BSN: variants seen among roughly 807,000 people sequenced by gnomAD.
BSN encodes protein bassoon.
BSN carries 57 observed loss-of-function variants against 264.8 expected under a neutral mutation model. The ratio of observed to expected loss-of-function variants is 0.22; its 90% CI spans 0.17 to 0.27. The LOEUF (loss-of-function observed/expected upper bound fraction) is 0.27, where lower values mean the gene tolerates loss of function less well. Ranked by LOEUF, BSN falls within the 10% of genes least tolerant of loss-of-function variation. The probability of loss-of-function intolerance (pLI) is 1.00; values close to 1 mark genes in which losing one functional copy is unlikely to be tolerated. For missense variants in BSN, 4,615 were observed against 5,232.5 expected (o/e 0.88, Z 3.64); for synonymous variants, 2,059 against 2,137.3 (o/e 0.96, Z 1.01).
In BSN at chr3:49,655,493, G is replaced by T. The variant is rs1462917883; in HGVS notation, c.5937G>T (p.Arg1979Ser). 1.9e-6 allele frequency: 3 copies of T among 1,601,064 alleles called. No homozygotes were observed. The highest frequency in any genetic ancestry group is 2.6e-6 in the Non-Finnish European group (3 of 1,172,482). ...QRPYPQGLPGRLYSSMSDTNL... is the reference protein window; with the variant it reads ...QRPYPQGLPGSLYSSMSDTNL... ...CCTACCCACAAGGCCTGCCTGGTAG[G>T]CTGTACTCCTCCATGTCTGACACCA... The change falls in exon 5 of 12, where the codon AGG (arginine) becomes AGT (serine). Residue 1979 changes from arginine to serine, a missense_variant. Physicochemically the swap from Arg to Ser is moderately radical, Grantham distance 110. This residue lies in a region of BSN where 3,415 missense variants were observed against 3,866.4 expected (regional missense o/e 0.88). Coordinates refer to ENST00000296452, the MANE Select transcript of BSN (RefSeq NM_003458.4).
chr3:49,669,861 G>A lies in BSN; in HGVS notation c.*2376G>A, dbSNP rs1241589041. ...TCACCCCCTTCTCCAAAGCCCAAGC[G>A]TCCCGCTGCTCATCAGCTTTTTTAC... On this transcript the variant is annotated 3_prime_UTR_variant, in exon 12 of 12. Coordinates refer to ENST00000296452, the MANE Select transcript of BSN (RefSeq NM_003458.4). The A allele has an allele frequency of 6.6e-6, 1 of 152,642 alleles. No individual in the cohort carries two copies. Among genetic ancestry groups the A allele is most frequent in the Non-Finnish European group, 1.5e-5 (1 of 68,088 alleles). The allele number at this position is 152,642 out of a possible 1,614,324, so 9.5% of individuals were successfully genotyped here. A position where few individuals can be genotyped will look rare whatever the true frequency, so the allele number is the denominator to read the frequency against.
Position 49,658,045 on chromosome 3 carries a change from C to T in BSN, c.8489C>T (p.Ala2830Val), listed in dbSNP as rs142848835. The T allele has an allele frequency of 6.2e-5, 100 of 1,613,422 alleles. No individual in the cohort carries two copies. The highest frequency in any genetic ancestry group is 8.3e-5 in the Non-Finnish European group (98 of 1,179,982). ...AHVSPQKHFT[A>V]DSALRQQTLP... ...GTGAGTCCCCAGAAGCACTTCACGG[C>T]TGACAGCGCTCTCCGCCAGCAGACG... The change falls in exon 5 of 12, where the codon GCT becomes GTT. Residue 2830 changes from alanine to valine, a missense_variant. Ala to Val is a moderately conservative substitution (Grantham distance 64). Coordinates refer to ENST00000296452, the MANE Select transcript of BSN (RefSeq NM_003458.4).
intron 2 of BSN, among the ~76,000 whole-genome samples, chr3:49,628,370 A>G (rs1438950082): frequency 1.3e-5 from 2 of 152,182 alleles, no homozygotes; most frequent in Non-Finnish European, 2.9e-5. Context: ...TTTGTGTATG[A>G]TGGCATCAGT....
Position 49,625,220 on chromosome 3 carries a change from C to A in BSN, c.470C>A (p.Ser157Tyr). 1 of 1,584,018 alleles carries A rather than the reference C, an allele frequency of 6.3e-7. No homozygotes were observed. The change falls in exon 2 of 12, where the codon TCC becomes TAC. Residue 157 changes from serine to tyrosine, a missense_variant. Physicochemically the swap from Ser to Tyr is moderately radical, Grantham distance 144. Transcript: ENST00000296452. The surrounding 1 kb of genome is among the most constrained non-coding windows in gnomAD (Gnocchi z 4.4). ...DRGSTPTSPY[S>Y]VPQIAPLPSS... ...GGCAGCACCCCCACATCACCCTACT[C>A]CGTCCCTCAGATCGCCCCCCTTCCC...
At chr3:49,574,223 C>T (rs2051823010) in intron 1 of BSN, among the ~76,000 whole-genome samples, 1 of 134,958 alleles carries the variant, frequency 7.4e-6, no homozygotes, top group Non-Finnish European at 1.6e-5. Flanking sequence ...CTGCCTCAGC[C>T]TCCCAAAGTT....
chr3:49,563,629 C>G (rs1314792521), intron 1 of BSN, among the ~76,000 whole-genome samples: 1 of 152,234 alleles, frequency 6.6e-6, no homozygotes, highest in Non-Finnish European at 1.5e-5. Context: ...CAGGCCAGAT[C>G]TCCTCCAATG....
At chr3:49,612,455 C>T (rs1336369807) in intron 1 of BSN, among the ~76,000 whole-genome samples, 1 of 152,176 alleles carries the variant, frequency 6.6e-6, no homozygotes, top group Admixed American at 6.5e-5. Flanking sequence ...TTTTCAAGTC[C>T]AGGATCAAAA....
Position 49,642,464 on chromosome 3 carries a change from G to A in BSN, c.830G>A (p.Arg277His), listed in dbSNP as rs979436660. The A allele has an allele frequency of 8.8e-6, 14 of 1,584,624 alleles. No homozygotes were observed. The highest frequency in any genetic ancestry group is 6.8e-5 in the East Asian group (3 of 44,166). The change falls in exon 3 of 12, where the codon CGC (arginine) becomes CAC (histidine). Residue 277 changes from arginine to histidine, a missense_variant. Arg to His is a conservative substitution (Grantham distance 29). Coordinates refer to ENST00000296452, the MANE Select transcript of BSN (RefSeq NM_003458.4). This position sits in a 1 kb window ranked among gnomAD's most constrained non-coding sequence, Gnocchi z 7.0. ...CCAGGAGGACCACAGCCTGGGTCCC[G>A]CCAGGCTGAGACAGCCAGGGCCACC... is the stretch of plus-strand genomic sequence containing the variant. The part of the protein sequence containing the change: ...RGPGGPQPGS[R>H]QAETARATSV...
At position 49,657,446 on chromosome 3, in the gene BSN, G is replaced by T. The variant is rs768612754; in HGVS notation, c.7890G>T (p.Arg2630Ser). The T allele has an allele frequency of 1.2e-6, 2 of 1,612,700 alleles. No homozygotes were observed. Among genetic ancestry groups the T allele is most frequent in the African/African-American group, 1.3e-5 (1 of 74,932 alleles). The stretch of plus-strand genomic sequence containing the variant: ...GGGAGCAGCCAGTGCGCCGCCGCAG[G>T]TCTCGTCTTCCCCGCCACTCAGACT... The part of the protein sequence containing the change: ...AEWEQPVRRR[R>S]SRLPRHSDSG... The change falls in exon 5 of 12, where the codon AGG (arginine) becomes AGT (serine). Residue 2630 changes from arginine (R) to serine (S), a missense_variant. By Grantham distance (110) the Arg-to-Ser change is moderately radical. Around this residue, in one of 3 missense-constraint regions of BSN, gnomAD observed 3,415 missense variants for 3,866.4 expected, o/e 0.88. Coordinates refer to ENST00000296452, the MANE Select transcript of BSN (RefSeq NM_003458.4).
chr3:49,588,993 C>T (rs1006977391), intron 1 of BSN, among the ~76,000 whole-genome samples: 7 of 151,452 alleles, frequency 4.6e-5, no homozygotes, highest in Non-Finnish European at 1.0e-4. Flanking sequence ...CCACGCACTG[C>T]AAGCTCCGCC....
chr3:49,656,483 G>C lies in BSN; in HGVS notation c.6927G>C (p.Glu2309Asp). 6.3e-7 allele frequency: 1 copy of C among 1,596,478 alleles called. No homozygotes were observed. Residue 2309 changes from glutamate (E) to aspartate (D), a missense_variant, in exon 5 of 12, where the codon GAG becomes GAC. By Grantham distance (45) the Glu-to-Asp change is conservative. Coordinates refer to ENST00000296452, the MANE Select transcript of BSN (RefSeq NM_003458.4). ...PEMPVGAARE[E>D]PLPTTTPAAI... ...TGCCAGTAGGGGCTGCACGGGAAGA[G>C]CCTCTTCCCACAACCACCCCTGCTG...
At chr3:49,600,167 G>A (rs2052061570) in intron 1 of BSN, among the ~76,000 whole-genome samples, 1 of 152,240 alleles carries the variant, frequency 6.6e-6, no homozygotes, top group Admixed American at 6.5e-5. Flanking sequence ...GAGGAGGAGA[G>A]AGAGGAGTTC....
chr3:49,627,800 T>G (rs1330137887), intron 2 of BSN, among the ~76,000 whole-genome samples: 1 of 152,194 alleles, frequency 6.6e-6, no homozygotes, highest in Non-Finnish European at 1.5e-5. Flanking sequence ...AGCACTCACT[T>G]TCTTTTTCAG....
intron 2 of BSN, among the ~76,000 whole-genome samples, chr3:49,637,759 G>C (rs1186936097): frequency 6.6e-6 from 1 of 152,136 alleles, no homozygotes; most frequent in Admixed American, 6.5e-5. Context: ...AAAGCCTGTA[G>C]GAAGGCTTCC....
At position 49,625,289 on chromosome 3, in the gene BSN, C is replaced by T. The variant is rs781268213; in HGVS notation, c.539C>T (p.Ser180Leu). ...ATATGCAAGACTTCGGACCTCACGTCGACCCCCAGCCAGCCAAACTTCAAC... is the reference window on the plus strand; with the variant it reads ...ATATGCAAGACTTCGGACCTCACGTTGACCCCCAGCCAGCCAAACTTCAAC... ...CPICKTSDLT[S>L]TPSQPNFNTC... The change falls in exon 2 of 12, where the codon TCG becomes TTG. Residue 180 changes from serine (S) to leucine (L), a missense_variant. Physicochemically the swap from Ser to Leu is moderately radical, Grantham distance 145. Coordinates refer to ENST00000296452, the MANE Select transcript of BSN (RefSeq NM_003458.4). The surrounding 1 kb of genome is among the most constrained non-coding windows in gnomAD (Gnocchi z 4.4). The T allele has an allele frequency of 3.1e-6, 5 of 1,602,210 alleles. No individual in the cohort carries two copies. In the Admixed American group the frequency reaches 5.2e-5, roughly 17 times the overall value.
At chr3:49,575,502 A>ATATATATGTAAATATATGTGTG (rs1295167209) in intron 1 of BSN, among the ~76,000 whole-genome samples, 3 of 147,570 alleles carry the variant, frequency 2.0e-5, no homozygotes, top group African/African-American at 7.4e-5. Flanking sequence ...ATGTGTGTGT[A>ATATATATGTAAATATATGTGTG]TATATATGTA....
intron 1 of BSN, among the ~76,000 whole-genome samples, chr3:49,580,325 A>G (rs2051886187): frequency 6.6e-6 from 1 of 152,166 alleles, no homozygotes; most frequent in Non-Finnish European, 1.5e-5. Context: ...TATTTTTTGG[A>G]AGAGTTTGTG....
chr3:49,561,387 T>C (rs2051710898), intron 1 of BSN, among the ~76,000 whole-genome samples: 1 of 152,178 alleles, frequency 6.6e-6, no homozygotes, highest in African/African-American at 2.4e-5. Context: ...TCAATGCCAC[T>C]GGCTTGTGTG....
intron 1 of BSN, among the ~76,000 whole-genome samples, chr3:49,587,168 T>G (rs1431376334): frequency 6.6e-6 from 1 of 152,222 alleles, no homozygotes; most frequent in Non-Finnish European, 1.5e-5. Context: ...TATGTGTGGT[T>G]ATTGTAAATG....
Sources: allele counts gnomAD v4.1 joint callset (sites outside exome capture counted in the v4.1 genomes callset), GRCh38; gene constraint gnomAD v4.1.1; regional missense constraint gnomAD v4.1.1; non-coding constraint Gnocchi (gnomAD v3.1); transcripts MANE v1.5; gene names NCBI Gene and HGNC (gene_info 2026-07-23, HGNC 2026-07-21).